TBCA: variants seen among roughly 807,000 people sequenced by gnomAD.
TBCA encodes the protein tubulin-specific chaperone A.
A neutral mutation model predicts 15.8 loss-of-function variants in TBCA; 6 were observed. The observed-to-expected ratio is 0.38, with a 90% CI of 0.21 to 0.75. TBCA has a LOEUF of 0.75. Among genes scored for constraint, TBCA ranks in the 30% least tolerant of loss-of-function variants. The probability of loss-of-function intolerance (pLI) is 0.46; values close to 1 mark genes in which losing one functional copy is unlikely to be tolerated. For missense variants in TBCA, 90 were observed against 131.2 expected (o/e 0.69, Z 1.53); for synonymous variants, 32 against 42.3 (o/e 0.76, Z 0.94).
chr5:77,718,828 T>A (rs1746465236), intron 1 of TBCA, among the ~76,000 whole-genome samples: 1 of 152,144 alleles, frequency 6.6e-6, no homozygotes, highest in African/African-American at 2.4e-5. Flanking sequence ...GAATGTCTCC[T>A]CTCCTCATCC....
intron 3 of TBCA, chr5:77,692,371 C>T (rs1745771286): frequency 2.0e-6 from 2 of 984,720 alleles, no homozygotes; most frequent in African/African-American, 1.7e-5. Context: ...TTAGTAAATA[C>T]AAGCTCTTCA....
intron 1 of TBCA, among the ~76,000 whole-genome samples, chr5:77,762,967 G>C (rs1747677954): frequency 6.6e-6 from 1 of 152,338 alleles, no homozygotes; most frequent in South Asian, 2.1e-4. Flanking sequence ...CAAGCGGCCG[G>C]GCGCGGTGGC....
At chr5:77,742,937 A>G (rs1447189106) in intron 1 of TBCA, among the ~76,000 whole-genome samples, 1 of 152,234 alleles carries the variant, frequency 6.6e-6, no homozygotes. Context: ...TAAGAAAATC[A>G]TTGTTTGCAA....
intron 1 of TBCA, among the ~76,000 whole-genome samples, chr5:77,756,478 T>C (rs1237665220): frequency 2.0e-5 from 3 of 151,730 alleles, no homozygotes; most frequent in African/African-American, 4.9e-5. Flanking sequence ...ATCTCTCATT[T>C]ATCTATGAAA....
chr5:77,704,569 T>C (rs1248250098), intron 2 of TBCA, among the ~76,000 whole-genome samples: 2 of 152,156 alleles, frequency 1.3e-5, no homozygotes. Context: ...GTCTTGATAT[T>C]TTCTATGAAA....
chr5:77,693,004 G>A, intron 3 of TBCA: 4 of 1,411,984 alleles, frequency 2.8e-6, no homozygotes, highest in Non-Finnish European at 3.7e-6. Context: ...GGACAATACT[G>A]GTACTATCAT....
intron 1 of TBCA, among the ~76,000 whole-genome samples, chr5:77,749,909 A>C (rs1338033656): frequency 6.6e-6 from 1 of 152,176 alleles, no homozygotes; most frequent in Non-Finnish European, 1.5e-5. Context: ...ACATGTTCTA[A>C]TGTTAAATGC....
At chr5:77,728,064 A>G (rs933553139) in intron 1 of TBCA, among the ~76,000 whole-genome samples, 3 of 152,144 alleles carry the variant, frequency 2.0e-5, no homozygotes, top group African/African-American at 7.2e-5. Flanking sequence ...AAAGATAAAT[A>G]TTTAGTAAAA....
At chr5:77,737,400 T>C (rs1746934022) in intron 1 of TBCA, among the ~76,000 whole-genome samples, 1 of 152,206 alleles carries the variant, frequency 6.6e-6, no homozygotes, top group South Asian at 2.1e-4. Flanking sequence ...TTATTTTATG[T>C]GGTGGGAATT....
At chr5:77,698,719 A>G (rs1239614851) in intron 2 of TBCA, among the ~76,000 whole-genome samples, 1 of 152,188 alleles carries the variant, frequency 6.6e-6, no homozygotes, top group Non-Finnish European at 1.5e-5. Flanking sequence ...ACACAAAGAC[A>G]GCACAAAAAA....
intron 1 of TBCA, among the ~76,000 whole-genome samples, chr5:77,748,875 A>T (rs146569044): frequency 4.6e-5 from 7 of 152,360 alleles, no homozygotes; most frequent in Non-Finnish European, 8.8e-5. Flanking sequence ...ATATTAAGAC[A>T]ATCATAAGGA....
chr5:77,765,840 T>C (rs1330650168), intron 1 of TBCA, among the ~76,000 whole-genome samples: 1 of 142,410 alleles, frequency 7.0e-6, no homozygotes, highest in Non-Finnish European at 1.5e-5. Context: ...TATATAACAA[T>C]GTACATTGTG....
At chr5:77,769,995 ATCAAT>A (rs1047325071) in intron 1 of TBCA, among the ~76,000 whole-genome samples, 4 of 152,220 alleles carry the variant, frequency 2.6e-5, no homozygotes, top group African/African-American at 9.6e-5. Flanking sequence ...AGTATTTTTA[ATCAAT>A]TCATTCACTC....
intron 2 of TBCA, among the ~76,000 whole-genome samples, chr5:77,700,996 C>T (rs965306533): frequency 6.6e-6 from 1 of 152,064 alleles, no homozygotes; most frequent in South Asian, 2.1e-4. Flanking sequence ...CCCTTCTAGA[C>T]ATTGGCTTAG....
In TBCA at chr5:77,776,245, G is replaced by T; in HGVS notation, c.13C>A (p.Arg5Ser). The T allele has an allele frequency of 6.3e-7, 1 of 1,579,948 alleles. No individual in the cohort carries two copies. The highest frequency in any genetic ancestry group is 1.2e-5 in the South Asian group (1 of 86,244). ...GTCTTGATCTTGATCTGTCTCACGC[G>T]AGGATCGGCCATGGTCCCTCGAGCG... is the stretch of plus-strand genomic sequence containing the variant. Reference protein sequence around the residue: MADPRVRQIKIKTGV... With the variant: MADPSVRQIKIKTGV... Residue 5 changes from arginine (R) to serine (S), a missense_variant, in exon 1 of 4, where the codon CGC becomes AGC. Arg to Ser is a moderately radical substitution (Grantham distance 110, BLOSUM62 -1). Coordinates refer to ENST00000380377, the MANE Select transcript of TBCA (RefSeq NM_004607.3).
At chr5:77,698,419 T>C (rs923710292) in intron 2 of TBCA, among the ~76,000 whole-genome samples, 1 of 152,198 alleles carries the variant, frequency 6.6e-6, no homozygotes, top group African/African-American at 2.4e-5. Flanking sequence ...AATAGTCCTA[T>C]TAATCAATCA....
At chr5:77,718,742 TTAAAA>T (rs1367629890) in intron 1 of TBCA, among the ~76,000 whole-genome samples, 12 of 152,216 alleles carry the variant, frequency 7.9e-5, no homozygotes, top group Admixed American at 3.3e-4. Context: ...CTAACAAAAC[TTAAAA>T]TAAAACAAAA....
intron 1 of TBCA, among the ~76,000 whole-genome samples, chr5:77,760,939 A>G (rs1747611142): frequency 7.7e-6 from 1 of 129,062 alleles, no homozygotes; most frequent in African/African-American, 3.0e-5. Context: ...GGAAGGGAGG[A>G]GCACCTCTGC....
At chr5:77,743,575 C>G (rs367873899) in intron 1 of TBCA, among the ~76,000 whole-genome samples, 1 of 152,200 alleles carries the variant, frequency 6.6e-6, no homozygotes, top group Non-Finnish European at 1.5e-5. Context: ...TAAAGTCTGC[C>G]GTCAGGGGAA....
Sources: allele counts gnomAD v4.1 joint callset (sites outside exome capture counted in the v4.1 genomes callset), GRCh38; gene constraint gnomAD v4.1.1; transcripts MANE v1.5; gene names NCBI Gene and HGNC (gene_info 2026-07-23, HGNC 2026-07-21).